NR1D1: variants seen among roughly 807,000 people sequenced by gnomAD.
NR1D1 encodes Rev-ErbAalpha.
In NR1D1, 17 loss-of-function variants were observed where a neutral mutation model predicts 51.1. The ratio of observed to expected loss-of-function variants is 0.33; its 90% confidence interval spans 0.23 to 0.50. The LOEUF (loss-of-function observed/expected upper bound fraction) is 0.50. NR1D1 is among the 20% of genes least tolerant of loss of function. NR1D1 has a pLI of 0.98. For missense variants in NR1D1, 647 were observed against 830.4 expected (o/e 0.78, Z 2.71); for synonymous variants, 341 against 333.4 (o/e 1.02, Z -0.25).
chr17:40,094,325 C>T (rs1444925655), intron 6 of NR1D1, among the ~76,000 whole-genome samples: 1 of 152,164 alleles, frequency 6.6e-6, no homozygotes. Flanking sequence ...TCAGCTTTGT[C>T]ACTACCTGTG....
chr17:40,093,286 TG>T lies in NR1D1; in HGVS notation c.1646-5del, dbSNP rs1313724580. 29 of 1,613,416 alleles carry T rather than the reference TG, an allele frequency of 1.8e-5. No homozygotes were observed. Among genetic ancestry groups the T allele is most frequent in the Non-Finnish European group, 2.5e-5 (29 of 1,180,012 alleles). ...GAATTCTCCATGCCCGAGCGGTCTG[TG>T]GGGAAGACGACAGCAGTGAGGCGGA... is the stretch of plus-strand genomic sequence containing the variant. On this transcript the variant is annotated splice_region_variant and splice_polypyrimidine_tract_variant and intron_variant, in intron 7 of 7. Transcript: ENST00000246672. This position sits in a 1 kb window ranked among gnomAD's most constrained non-coding sequence, Gnocchi z 5.9.
At chr17:40,095,200 G>T in intron 5 of NR1D1, 80 bp from the exon 6 acceptor site, 1 of 1,411,378 alleles carries the variant, frequency 7.1e-7, no homozygotes, top group Non-Finnish European at 9.7e-7. Context: ...CTGGACCCCA[G>T]ATTCTGCCTG....
At chr17:40,096,223 C>A in intron 4 of NR1D1, 136 bp from the exon 5 acceptor site, 1 of 1,368,368 alleles carries the variant, frequency 7.3e-7, no homozygotes. Context: ...AGTCCCCACC[C>A]ATCAAGGGGG....
At position 40,095,680 on chromosome 17, in the gene NR1D1, G is replaced by C. The variant is rs143682026; in HGVS notation, c.1012C>G (p.Pro338Ala). 2 of 1,612,520 alleles carry C rather than the reference G, an allele frequency of 1.2e-6. No homozygotes were observed. The highest frequency in any genetic ancestry group is 1.7e-6 in the Non-Finnish European group (2 of 1,178,862). Residue 338 changes from proline (P) to alanine (A), a missense_variant, in exon 5 of 8, where the codon CCT becomes GCT. Physicochemically the swap from Pro to Ala is conservative, Grantham distance 27. This residue lies in a region of NR1D1 where 185 missense variants were observed against 176.3 expected (regional missense o/e 1.05). Transcript: ENST00000246672. ...AAGGTGTTGTTGTCATTGGGGGCAG[G>C]TGGGCAGCCCTGATTTTCCCAGCGA... ...PHRWENQGCP[P>A]APNDNNTLAA...
chr17:40,095,773 G>C lies in NR1D1; in HGVS notation c.919C>G (p.Leu307Val). ...TTGAAGTTGCCAGGTGAGCTGCCCA[G>C]CTTGTCATGGGCGTAGGTGAAGATC... ...REIFTYAHDK[L>V]GSSPGNFNAN... is the part of the protein sequence containing the mutation. Residue 307 changes from leucine (L) to valine (V), a missense_variant, in exon 5 of 8, where the codon CTG becomes GTG. Leu to Val is a conservative substitution (Grantham distance 32). Transcript: ENST00000246672. 2.5e-6 allele frequency: 4 copies of C among 1,614,164 alleles called. No homozygotes were observed. The highest frequency in any genetic ancestry group is 1.3e-5 in the African/African-American group (1 of 75,044).
At chr17:40,100,033 G>A (rs745591666) in intron 1 of NR1D1, 31 bp downstream of exon 1, 3 of 1,540,066 alleles carry the variant, frequency 1.9e-6, no homozygotes, top group East Asian at 2.3e-5. Flanking sequence ...ACAGTGACAG[G>A]GAAAAGATGA....
Position 40,095,997 on chromosome 17 carries a change from C to G in NR1D1, c.695G>C (p.Ser232Thr), listed in dbSNP as rs200075430. The G allele has an allele frequency of 4.3e-6, 7 of 1,612,648 alleles. No homozygotes were observed. The highest frequency in any genetic ancestry group is 5.9e-6 in the Non-Finnish European group (7 of 1,179,976). Reference protein sequence around the residue: ...SAMNLANNQLSSQCPLETSPT... With the variant: ...SAMNLANNQLTSQCPLETSPT... ...TGAAGTCTCCAGCGGGCACTGGCTGCTCAACTGGTTGTTGGCCAGGTTCAT... is the reference window on the plus strand; with the variant it reads ...TGAAGTCTCCAGCGGGCACTGGCTGGTCAACTGGTTGTTGGCCAGGTTCAT... Residue 232 changes from serine (S) to threonine (T), a missense_variant, in exon 5 of 8, where the codon AGC becomes ACC. By Grantham distance (58) the Ser-to-Thr change is moderately conservative. Transcript: ENST00000246672.
At chr17:40,098,546 G>A (rs1987808850) in intron 1 of NR1D1, among the ~76,000 whole-genome samples, 1 of 152,192 alleles carries the variant, frequency 6.6e-6, no homozygotes, top group South Asian at 2.1e-4. Context: ...AAAAAGGAGT[G>A]AGACCTTCAT....
At position 40,093,324 on chromosome 17, in the gene NR1D1, CCT is replaced by C. The variant is rs765994964; in HGVS notation, c.1646-44_1646-43del. 2.5e-6 allele frequency: 4 copies of C among 1,613,308 alleles called. No homozygotes were observed. The highest frequency in any genetic ancestry group is 3.4e-6 in the Non-Finnish European group (4 of 1,180,018). On this transcript the variant is annotated intron_variant, in intron 7 of 7. Transcript: ENST00000246672. This position sits in a 1 kb window ranked among gnomAD's most constrained non-coding sequence, Gnocchi z 5.9. ...AGCAGTGAGGCGGACTCCCCGAGCT[CCT>C]CTGAGGAGGAACCGGAGGTCTGCGA...
At position 40,097,139 on chromosome 17, in the gene NR1D1, G is replaced by C; in HGVS notation, c.296C>G (p.Pro99Arg). The stretch of plus-strand genomic sequence containing the variant: ...CATGGCCACTTGTAGACTCCCAGGG[G>C]GGCTCCCATTATAGAAGGAGGAGGA... ...SSSSSFYNGSPPGSLQVAMED... is the reference protein window; with the variant it reads ...SSSSSFYNGSRPGSLQVAMED... Residue 99 changes from proline to arginine, a missense_variant, in exon 2 of 8, where the codon CCC becomes CGC. By Grantham distance (103) the Pro-to-Arg change is moderately radical. Around this residue, in one of 7 missense-constraint regions of NR1D1, gnomAD observed 98 missense variants for 94.7 expected, o/e 1.03. Coordinates refer to ENST00000246672, the MANE Select transcript of NR1D1 (RefSeq NM_021724.5). 1 of 1,611,400 alleles carries C rather than the reference G, an allele frequency of 6.2e-7. No individual in the cohort carries two copies. The highest frequency in any genetic ancestry group is 2.2e-5 in the East Asian group (1 of 44,858).
Position 40,093,097 on chromosome 17 carries a change from C to T in NR1D1, c.1831G>A (p.Val611Met), listed in dbSNP as rs1987647446. Residue 611 changes from valine to methionine, a missense_variant, in exon 8 of 8, where the codon GTG becomes ATG. Val to Met is a conservative substitution (Grantham distance 21). This residue lies in a region of NR1D1 where 155 missense variants were observed against 236.8 expected (regional missense o/e 0.65). Coordinates refer to ENST00000246672, the MANE Select transcript of NR1D1 (RefSeq NM_021724.5). The surrounding 1 kb of genome is among the most constrained non-coding windows in gnomAD (Gnocchi z 5.9). ...MHSEKLLSFR[V>M]DAQ is the part of the protein sequence containing the mutation. ...GGCCGGGCGGGTCACTGGGCGTCCA[C>T]CCGGAAGGACAGCAGCTTCTCGGAA... 6.2e-7 allele frequency: 1 copy of T among 1,614,000 alleles called. No homozygotes were observed. The highest frequency in any genetic ancestry group is 1.7e-5 in the Admixed American group (1 of 60,008).
intron 3 of NR1D1, 41 bp from the exon 4 acceptor site, chr17:40,096,628 T>A (rs1365346673): frequency 6.2e-7 from 1 of 1,613,734 alleles, no homozygotes. Flanking sequence ...CCATCATGGC[T>A]GGGCCTCTGT....
At position 40,095,156 on chromosome 17, in the gene NR1D1, G is replaced by A. The variant is rs770961645; in HGVS notation, c.1249-36C>T. The A allele has an allele frequency of 2.5e-6, 4 of 1,591,354 alleles. No homozygotes were observed. In the African/African-American group the frequency reaches 4.0e-5, roughly 16 times the overall value. On this transcript the variant is annotated intron_variant, in intron 5 of 7. Transcript: ENST00000246672. ...AAAAGATTGAAGGAGGGGAGTGTCA[G>A]CCAGGCTGGGTCAGATGGACGCCCC...
At chr17:40,094,902 AAAC>A in intron 6 of NR1D1, 30 bp downstream of exon 6, 2 of 1,606,622 alleles carry the variant, frequency 1.2e-6, no homozygotes, top group Non-Finnish European at 8.5e-7. Flanking sequence ...GTCTCAAAAA[AAAC>A]AAAAACCAGA....
At position 40,093,643 on chromosome 17, in the gene NR1D1, CCAACT is replaced by C. The variant is rs989863202; in HGVS notation, c.1645+264_1645+268del. On this transcript the variant is annotated intron_variant, in intron 7 of 7. Coordinates refer to ENST00000246672, the MANE Select transcript of NR1D1 (RefSeq NM_021724.5). This position sits in a 1 kb window ranked among gnomAD's most constrained non-coding sequence, Gnocchi z 5.9. The stretch of plus-strand genomic sequence containing the variant: ...AACATCTTACTTGTCCTTTGAGGCC[CCAACT>C]CAAGTGTCACCTCCTTCCCCAGCTC... 5 of 663,636 alleles carry C rather than the reference CCAACT, an allele frequency of 7.5e-6. No homozygotes were observed. The highest frequency in any genetic ancestry group is 1.3e-5 in the Non-Finnish European group (5 of 396,380). The allele number at this position is 663,636 out of a possible 1,614,324, so 41.1% of individuals were successfully genotyped here.
At position 40,092,899 on chromosome 17, in the gene NR1D1, G is replaced by A. The variant is rs1424670954; in HGVS notation, c.*184C>T. ...TTAAATAGGGGAGGAGGGGAAGTTC[G>A]GTGATGGGGGAGGGAGGCAGGTATT... On this transcript the variant is annotated 3_prime_UTR_variant, in exon 8 of 8. Coordinates refer to ENST00000246672, the MANE Select transcript of NR1D1 (RefSeq NM_021724.5). 22 of 1,399,964 alleles carry A rather than the reference G, an allele frequency of 1.6e-5. No homozygotes were observed. The highest frequency in any genetic ancestry group is 2.6e-4 in the Middle Eastern group (1 of 3,920). 86.7% of individuals were successfully genotyped at this position (1,399,964 alleles called of 1,614,324 possible).
At position 40,094,164 on chromosome 17, in the gene NR1D1, G is replaced by C. The variant is rs780743963; in HGVS notation, c.1435-42C>G. ...ACAGTCATCCTGGGTGTGGTGGGAG[G>C]AGCACTGACCAAATCGCCCCTGTAG... On this transcript the variant is annotated intron_variant, in intron 6 of 7. Coordinates refer to ENST00000246672, the MANE Select transcript of NR1D1 (RefSeq NM_021724.5). The C allele has an allele frequency of 2.5e-6, 4 of 1,582,110 alleles. No individual in the cohort carries two copies. In the East Asian group the frequency reaches 8.9e-5, roughly 35 times the overall value.
chr17:40,093,803 T>A lies in NR1D1; in HGVS notation c.1645+109A>T. The A allele has an allele frequency of 1.1e-6, 1 of 929,116 alleles. No individual in the cohort carries two copies. The highest frequency in any genetic ancestry group is 1.7e-6 in the Non-Finnish European group (1 of 600,760). The allele number at this position is 929,116 out of a possible 1,614,324, so 57.6% of individuals were successfully genotyped here. A position where few individuals can be genotyped will look rare whatever the true frequency, so the allele number is the denominator to read the frequency against. ...AGACTGTGTCTGAATCATGTCTGTA[T>A]CCCCAGTGCCCGGTGCAGGGCCTGG... is the stretch of plus-strand genomic sequence containing the variant. On this transcript the variant is annotated intron_variant, in intron 7 of 7. Transcript: ENST00000246672. This position sits in a 1 kb window ranked among gnomAD's most constrained non-coding sequence, Gnocchi z 5.9.
intron 5 of NR1D1, 46 bp downstream of exon 5, chr17:40,095,398 G>GC (rs772648467): frequency 1.5e-5 from 23 of 1,508,730 alleles, no homozygotes; most frequent in Non-Finnish European, 9.7e-6. Context: ...ATTCTGCCAG[G>GC]CCCCCCCAAT....
Sources: allele counts gnomAD v4.1 joint callset (sites outside exome capture counted in the v4.1 genomes callset), GRCh38; gene constraint gnomAD v4.1.1; regional missense constraint gnomAD v4.1.1; non-coding constraint Gnocchi (gnomAD v3.1); transcripts MANE v1.5; gene names NCBI Gene and HGNC (gene_info 2026-07-23, HGNC 2026-07-21).